The following UBE2J1 variants were observed in gnomAD, a reference collection of about 807,000 sequenced individuals.
The protein encoded by UBE2J1 is ubiquitin conjugating enzyme E2 J1, also known as ubiquitin-conjugating enzyme E2 J1.
UBE2J1 carries 17 observed loss-of-function variants against 42.1 expected under a neutral mutation model. That is an observed-to-expected ratio of 0.40 (90% CI 0.28 to 0.61). The LOEUF (loss-of-function observed/expected upper bound fraction) is 0.61, where lower values mean the gene tolerates loss of function less well. Ranked by LOEUF, UBE2J1 falls within the 20% of genes least tolerant of loss-of-function variation. The pLI is 0.38. For missense variants in UBE2J1, 291 were observed against 389.4 expected (o/e 0.75, Z 2.13); for synonymous variants, 127 against 137.2 (o/e 0.93, Z 0.52).
intron 7 of UBE2J1, among the ~76,000 whole-genome samples, chr6:89,330,212 T>C (rs1425445053): frequency 6.6e-6 from 1 of 152,164 alleles, no homozygotes; most frequent in African/African-American, 2.4e-5. Context: ...CCTTAAAACA[T>C]TGGTCTAGAT....
At position 89,329,402 on chromosome 6, in the gene UBE2J1, A is replaced by G; in HGVS notation, c.*277T>C. 2.5e-6 allele frequency: 1 copy of G among 402,588 alleles called. No homozygotes were observed. Among genetic ancestry groups the G allele is most frequent in the Non-Finnish European group, 4.5e-6 (1 of 224,078 alleles). 24.9% of individuals were successfully genotyped at this position (402,588 alleles called of 1,614,324 possible). On this transcript the variant is annotated 3_prime_UTR_variant, in exon 8 of 8. Coordinates refer to ENST00000435041, the MANE Select transcript of UBE2J1 (RefSeq NM_016021.3). ...ATAGGAAAGTATTACAAATTTACAT[A>G]AAAAGAAGATGAAACATGAGAAAAA...
At chr6:89,337,313 C>G (rs553381335) in intron 5 of UBE2J1, among the ~76,000 whole-genome samples, 1 of 144,360 alleles carries the variant, frequency 6.9e-6, no homozygotes, top group South Asian at 2.2e-4. Context: ...CGAATGAAAA[C>G]AAATACTATG....
intron 6 of UBE2J1, 50 bp downstream of exon 6, chr6:89,335,252 A>G: frequency 6.7e-7 from 1 of 1,502,642 alleles, no homozygotes; most frequent in South Asian, 1.3e-5. Flanking sequence ...AGAATCCAGC[A>G]GTAAACAAAA....
chr6:89,343,631 A>G (rs1768301312), intron 2 of UBE2J1, 52 bp downstream of exon 2: 2 of 1,428,806 alleles, frequency 1.4e-6, no homozygotes, highest in Non-Finnish European at 1.9e-6. Context: ...ATTTTAAAAA[A>G]TTTGTTTTAA....
At chr6:89,345,908 A>G (rs990436518) in intron 1 of UBE2J1, among the ~76,000 whole-genome samples, 2 of 25,652 alleles carry the variant, frequency 7.8e-5, no homozygotes, top group Non-Finnish European at 6.4e-5. Context: ...ACTACGTCTA[A>G]AAAAAAAAAA....
At chr6:89,342,522 T>C in intron 2 of UBE2J1, 67 bp from the exon 3 acceptor site, 4 of 1,421,210 alleles carry the variant, frequency 2.8e-6, no homozygotes, top group Non-Finnish European at 3.8e-6. Context: ...TATCTGAATA[T>C]TAGAAATATT....
At chr6:89,343,866 A>T in intron 1 of UBE2J1, 110 bp from the exon 2 acceptor site, 2 of 731,694 alleles carry the variant, frequency 2.7e-6, no homozygotes, top group Non-Finnish European at 4.3e-6. Context: ...GCAAATGAGC[A>T]TATGGCAAAG....
chr6:89,342,303 C>G (rs1768260181), intron 3 of UBE2J1, 21 bp downstream of exon 3: 1 of 1,613,334 alleles, frequency 6.2e-7, no homozygotes, highest in East Asian at 2.2e-5. Flanking sequence ...CACAAGCACT[C>G]TAAAAATCCA....
At chr6:89,350,503 A>C (rs541575122) in intron 1 of UBE2J1, among the ~76,000 whole-genome samples, 1 of 152,216 alleles carries the variant, frequency 6.6e-6, no homozygotes, top group Non-Finnish European at 1.5e-5. Flanking sequence ...CATTTTCAGT[A>C]AGTCCCATAT....
intron 1 of UBE2J1, among the ~76,000 whole-genome samples, chr6:89,347,504 T>A (rs1041355360): frequency 3.3e-5 from 5 of 152,186 alleles, no homozygotes; most frequent in African/African-American, 4.8e-5. Context: ...ACCTGGATAT[T>A]ATGAGAGATG....
chr6:89,343,928 T>G (rs1024715740), intron 1 of UBE2J1, among the ~76,000 whole-genome samples, 172 bp from the exon 2 acceptor site: 1 of 152,150 alleles, frequency 6.6e-6, no homozygotes, highest in Non-Finnish European at 1.5e-5. Context: ...AAGGAAACAG[T>G]TGCTAGGCAT....
At chr6:89,342,927 A>G (rs1351289954) in intron 2 of UBE2J1, among the ~76,000 whole-genome samples, 1 of 152,228 alleles carries the variant, frequency 6.6e-6, no homozygotes, top group Non-Finnish European at 1.5e-5. Context: ...TTTTCAGTTT[A>G]CAAAATACTT....
rs1318029833 is a variant in UBE2J1 at position 89,329,109 on chromosome 6, C to T, written c.*570G>A. 6.5e-6 allele frequency: 1 copy of T among 153,118 alleles called. No homozygotes were observed. Among genetic ancestry groups the T allele is most frequent in the Admixed American group, 6.5e-5 (1 of 15,292 alleles). 9.5% of individuals were successfully genotyped at this position (153,118 alleles called of 1,614,324 possible). ...TGACAAAGATGTGATCTCATTTCCTCATAAATGTTTGACTGAAATAAAATT... is the reference window on the plus strand; with the variant it reads ...TGACAAAGATGTGATCTCATTTCCTTATAAATGTTTGACTGAAATAAAATT... On this transcript the variant is annotated 3_prime_UTR_variant, in exon 8 of 8. Coordinates refer to ENST00000435041, the MANE Select transcript of UBE2J1 (RefSeq NM_016021.3).
chr6:89,344,369 A>G (rs369130020), intron 1 of UBE2J1, among the ~76,000 whole-genome samples: 4 of 152,242 alleles, frequency 2.6e-5, no homozygotes, highest in African/African-American at 9.6e-5. Flanking sequence ...CAAAGCCCCG[A>G]TGAAATTCCT....
At chr6:89,349,924 C>T (rs764383156) in intron 1 of UBE2J1, among the ~76,000 whole-genome samples, 4 of 151,834 alleles carry the variant, frequency 2.6e-5, no homozygotes, top group Non-Finnish European at 4.4e-5. Context: ...ACTATAAGAC[C>T]CTACTTCCTT....
chr6:89,338,039 A>T (rs1376174148), intron 5 of UBE2J1, among the ~76,000 whole-genome samples, 166 bp downstream of exon 5: 1 of 152,222 alleles, frequency 6.6e-6, no homozygotes, highest in African/African-American at 2.4e-5. Flanking sequence ...GGTCACTCCA[A>T]GGAAATTATT....
chr6:89,343,835 A>T, intron 1 of UBE2J1, 79 bp from the exon 2 acceptor site: 1 of 1,134,834 alleles, frequency 8.8e-7, no homozygotes, highest in Non-Finnish European at 1.2e-6. Context: ...AGCCTAATGA[A>T]AAAATGTGTA....
intron 5 of UBE2J1, among the ~76,000 whole-genome samples, chr6:89,337,123 G>A (rs1465990085): frequency 6.6e-6 from 1 of 152,048 alleles, no homozygotes; most frequent in Non-Finnish European, 1.5e-5. Context: ...TTACAAGTGT[G>A]AGCCACCATG....
In UBE2J1 at chr6:89,352,683, G is replaced by C; in HGVS notation, c.-114C>G. ...GGACGGGGCCTGGCCGAGGAGCCTC[G>C]GCAAATGCCGCCCAGTCCAGCCTGG... is the stretch of plus-strand genomic sequence containing the variant. On this transcript the variant is annotated 5_prime_UTR_variant, in exon 1 of 8. Transcript: ENST00000435041. 2 of 1,222,964 alleles carry C rather than the reference G, an allele frequency of 1.6e-6. No homozygotes were observed. The highest frequency in any genetic ancestry group is 2.2e-6 in the Non-Finnish European group (2 of 922,388). The allele number at this position is 1,222,964 out of a possible 1,614,324, so 75.8% of individuals were successfully genotyped here. A position where few individuals can be genotyped will look rare whatever the true frequency, so the allele number is the denominator to read the frequency against.
Sources: gnomAD v4.1 joint callset for allele counts (sites outside exome capture counted in the v4.1 genomes callset) on GRCh38, gnomAD v4.1.1 for gene constraint, MANE v1.5 for transcripts, NCBI Gene and HGNC (gene_info 2026-07-23, HGNC 2026-07-21) for gene names.